Variants in PIGG observed in about 807,000 individuals in gnomAD.
The protein encoded by PIGG is phosphatidylinositol glycan anchor biosynthesis class G (EMM blood group).
A neutral mutation model predicts 83.2 loss-of-function variants in PIGG; 70 were observed. The observed-to-expected ratio is 0.84, with a 90% CI of 0.69 to 1.03. The LOEUF is 1.03. Among genes scored for constraint, PIGG ranks in the 50% least tolerant of loss-of-function variants. The pLI, the probability that PIGG is intolerant of heterozygous loss-of-function variation, is 0.00. For synonymous variants in PIGG, 532 were observed against 519.5 expected (o/e 1.02, Z -0.33); for missense variants, 1,257 against 1,233.6 (o/e 1.02, Z -0.28).
intron 3 of PIGG, 82 bp downstream of exon 3, chr4:506,009 T>A: frequency 1.1e-6 from 1 of 894,578 alleles, no homozygotes; most frequent in East Asian, 2.6e-5. Flanking sequence ...TAGTGAGAGA[T>A]GATACCATTT....
Position 528,908 on chromosome 4 carries a change from G to A in PIGG, c.2262-1528G>A, listed in dbSNP as rs952892839. Reference sequence around the variant, plus strand: ...TCCGTCCTTTGTCCCCATCTGTCCCGATCGTAAATAGGTCCTGGCTACAGA... The same window carrying A: ...TCCGTCCTTTGTCCCCATCTGTCCCAATCGTAAATAGGTCCTGGCTACAGA... On this transcript the variant is annotated intron_variant, in intron 10 of 12. Transcript: ENST00000453061. The surrounding 1 kb of genome is among the most constrained non-coding windows in gnomAD (Gnocchi z 4.8). Among the ~76,000 whole-genome samples the A allele has an allele frequency of 3.3e-5, 5 of 152,034 alleles. No individual in the cohort carries two copies. Among genetic ancestry groups the A allele is most frequent in the Admixed American group, 6.6e-5 (1 of 15,262 alleles).
chr4:534,496 C>T (rs1455490777), intron 12 of PIGG, among the ~76,000 whole-genome samples: 1 of 152,222 alleles, frequency 6.6e-6, no homozygotes, highest in Non-Finnish European at 1.5e-5. Context: ...CCCTTCCACA[C>T]ATAAGCTGAT....
intron 9 of PIGG, chr4:525,079 C>A: frequency 1.9e-6 from 1 of 515,702 alleles, no homozygotes; most frequent in Non-Finnish European, 2.5e-6. Flanking sequence ...GTCAGCCAGG[C>A]AAGGCAGGCG....
At chr4:527,925 G>A in intron 10 of PIGG, 1 of 985,346 alleles carries the variant, frequency 1.0e-6, no homozygotes, top group Non-Finnish European at 1.2e-6. Flanking sequence ...TTTATCTCAA[G>A]AATATAAGCA....
intron 6 of PIGG, among the ~76,000 whole-genome samples, chr4:518,048 G>C (rs941321303): frequency 2.0e-5 from 3 of 152,162 alleles, no homozygotes; most frequent in Non-Finnish European, 4.4e-5. Context: ...CTAGAGTCAC[G>C]TGTGGAAGAC....
chr4:533,011 CT>C (rs1729458049), intron 11 of PIGG: 1 of 150,906 alleles, frequency 6.6e-6, no homozygotes, highest in Non-Finnish European at 1.5e-5. Context: ...GAGGTAGGGC[CT>C]AGGAGTGGAA....
intron 12 of PIGG, among the ~76,000 whole-genome samples, chr4:535,992 G>A (rs1730492872): frequency 1.3e-5 from 2 of 152,180 alleles, no homozygotes; most frequent in South Asian, 4.1e-4. Flanking sequence ...ATGCGGGCAG[G>A]GCCCACGCAC....
At chr4:516,876 AAAG>A (rs1202574929) in intron 6 of PIGG, among the ~76,000 whole-genome samples, 27 of 149,680 alleles carry the variant, frequency 1.8e-4, no homozygotes, top group South Asian at 4.2e-4. Flanking sequence ...AAAAAAAAAA[AAAG>A]AAGGAATAAA....
chr4:538,362 C>T (rs1027407365), intron 12 of PIGG, among the ~76,000 whole-genome samples: 6 of 152,126 alleles, frequency 3.9e-5, no homozygotes, highest in Non-Finnish European at 7.4e-5. Flanking sequence ...GCTCTTATTC[C>T]GAGAATTTGC....
intron 9 of PIGG, 37 bp downstream of exon 9, chr4:523,950 C>T (rs1016958114): frequency 7.4e-7 from 1 of 1,346,550 alleles, no homozygotes; most frequent in African/African-American, 1.5e-5. Context: ...GCCAGACTTT[C>T]TACGGCCGAT....
At chr4:535,179 G>T (rs1730176000) in intron 12 of PIGG, among the ~76,000 whole-genome samples, 1 of 152,162 alleles carries the variant, frequency 6.6e-6, no homozygotes. Flanking sequence ...CTCCCAACTT[G>T]GTCTGGCAGA....
intron 3 of PIGG, 74 bp downstream of exon 3, chr4:506,001 G>A: frequency 1.0e-6 from 1 of 984,414 alleles, no homozygotes; most frequent in Non-Finnish European, 1.6e-6. Flanking sequence ...CCATTACTTA[G>A]TGAGAGATGA....
Position 507,436 on chromosome 4 carries a change from A to G in PIGG, c.602A>G (p.Lys201Arg). The change falls in exon 4 of 13, where the codon AAA becomes AGA. Residue 201 changes from lysine (K) to arginine (R), a missense_variant. Transcript: ENST00000453061. Reference sequence around the variant, plus strand: ...AATAATGTCACGAGGCATTTGGATAAAGTATTAAAAAGAGGAGATTGGGAC... The same window carrying G: ...AATAATGTCACGAGGCATTTGGATAGAGTATTAAAAAGAGGAGATTGGGAC... The part of the protein sequence containing the change: ...VDNNVTRHLD[K>R]VLKRGDWDIL... The G allele has an allele frequency of 2.5e-6, 4 of 1,613,368 alleles. No individual in the cohort carries two copies. The highest frequency in any genetic ancestry group is 3.4e-6 in the Non-Finnish European group (4 of 1,179,456).
At chr4:511,690 T>C (rs1722014347) in intron 5 of PIGG, among the ~76,000 whole-genome samples, 1 of 152,270 alleles carries the variant, frequency 6.6e-6, no homozygotes, top group South Asian at 2.1e-4. Context: ...TTACCTTTAC[T>C]GATGCTCTTT....
In PIGG at chr4:505,844, G is replaced by C; in HGVS notation, c.487G>C (p.Asp163His). The change falls in exon 3 of 13, where the codon GAT becomes CAT. Residue 163 changes from aspartate (D) to histidine (H), a missense_variant. Physicochemically the swap from Asp to His is moderately conservative, Grantham distance 81. Transcript: ENST00000453061. ...AAGKRIVFYG[D>H]ETWVKLFPKH... ...TGGAAAAAGAATAGTCTTTTATGGA[G>C]ATGAAACCTGGGTTAAATTATTCCC... 6.2e-7 allele frequency: 1 copy of C among 1,613,424 alleles called. No homozygotes were observed. Among genetic ancestry groups the C allele is most frequent in the Non-Finnish European group, 8.5e-7 (1 of 1,179,832 alleles).
chr4:507,638 G>A (rs782070002), intron 4 of PIGG, 45 bp downstream of exon 4: 1 of 1,504,878 alleles, frequency 6.6e-7, no homozygotes, highest in Non-Finnish European at 9.1e-7. Context: ...GGTTTCACGT[G>A]GATGTTCCCT....
intron 5 of PIGG, among the ~76,000 whole-genome samples, chr4:509,200 C>T (rs1720992729): frequency 6.6e-6 from 1 of 152,188 alleles, no homozygotes. Flanking sequence ...ATGAATGTTG[C>T]TGCCTGGATA....
At chr4:512,685 G>C (rs527975516) in intron 5 of PIGG, among the ~76,000 whole-genome samples, 6 of 151,626 alleles carry the variant, frequency 4.0e-5, no homozygotes, top group Admixed American at 1.3e-4. Context: ...TGTGGTGGTG[G>C]GCGCCTGTAA....
At position 530,515 on chromosome 4, in the gene PIGG, C is replaced by T; in HGVS notation, c.2341C>T (p.Gln781Ter). Residue 781 changes from glutamine to a stop codon, truncating the protein, a stop_gained, in exon 11 of 13, where the codon CAA becomes TAA. Transcript: ENST00000453061. LOFTEE classifies it high-confidence loss of function. The stretch of plus-strand genomic sequence containing the variant: ...GGGCACCAAAGACTTACTTAAATCT[C>T]AAGTCATTGCTGCAGACTTCAAACT... ...FTGTKDLLKSQVIAADFKLKT... is the reference protein window; with the variant it reads ...FTGTKDLLKS 1 of 1,612,610 alleles carries T rather than the reference C, an allele frequency of 6.2e-7. No homozygotes were observed. Among genetic ancestry groups the T allele is most frequent in the Non-Finnish European group, 8.5e-7 (1 of 1,178,574 alleles).
Sources: gnomAD v4.1 joint callset for allele counts (sites outside exome capture counted in the v4.1 genomes callset) on GRCh38, gnomAD v4.1.1 for gene constraint, Gnocchi (gnomAD v3.1) non-coding constraint, MANE v1.5 for transcripts, NCBI Gene and HGNC (gene_info 2026-07-23, HGNC 2026-07-21) for gene names.